The following NRXN3 variants were observed in gnomAD, a reference collection of about 807,000 sequenced individuals.
The protein encoded by NRXN3 is neurexin 3.
NRXN3 carries 32 observed loss-of-function variants against 137.6 expected under a neutral mutation model. The observed-to-expected ratio is 0.23, with a 90% CI of 0.18 to 0.31. The LOEUF (loss-of-function observed/expected upper bound fraction) is 0.31, where lower values mean the gene tolerates loss of function less well. Among genes scored for constraint, NRXN3 ranks in the 10% least tolerant of loss-of-function variants. NRXN3 has a pLI of 1.00. For synonymous variants in NRXN3, 798 were observed against 784.5 expected (o/e 1.02, Z -0.29); for missense variants, 1,574 against 2,062.5 (o/e 0.76, Z 4.59).
intron 15 of NRXN3, among the ~76,000 whole-genome samples, chr14:79,360,394 T>G (rs1161484850): frequency 6.6e-6 from 1 of 152,232 alleles, no homozygotes; most frequent in East Asian, 1.9e-4. Flanking sequence ...CGTGAGCCAC[T>G]GTGCCCAGCC....
intron 16 of NRXN3, among the ~76,000 whole-genome samples, chr14:79,639,462 C>T (rs1383269412): frequency 6.6e-6 from 1 of 151,834 alleles, no homozygotes; most frequent in Non-Finnish European, 1.5e-5. Context: ...TAGTTGAGTA[C>T]TAATGTGGCT....
chr14:79,855,531 G>A (rs574674505), intron 20 of NRXN3, among the ~76,000 whole-genome samples: 190 of 151,988 alleles, frequency 1.3e-3, no homozygotes, highest in Non-Finnish European at 2.1e-3. Context: ...TTCTTTCTAT[G>A]AAAAAGATAT....
In NRXN3 at chr14:79,453,362, AG is replaced by A. The variant is rs140604393; in HGVS notation, c.3263-13857del. 0.015 allele frequency among the ~76,000 whole-genome samples: 2,329 copies of A among 152,312 alleles called. 101 individuals carry two copies. The East Asian group carries it at 0.17, about 11-fold the overall frequency. On this transcript the variant is annotated intron_variant, in intron 15 of 20. Coordinates refer to ENST00000335750, the MANE Select transcript of NRXN3 (RefSeq NM_001330195.2). The stretch of plus-strand genomic sequence containing the variant: ...AATGTCATGTATATAATATAGAGAG[AG>A]GTTCAAATACGCTAAGAGAAAAAGA...
intron 10 of NRXN3, among the ~76,000 whole-genome samples, chr14:78,851,033 C>T (rs2099041094): frequency 6.6e-6 from 1 of 152,102 alleles, no homozygotes; most frequent in Non-Finnish European, 1.5e-5. Flanking sequence ...CAGGACTAAA[C>T]AGATATCTTT....
chr14:78,595,373 A>G (rs1360819004), intron 4 of NRXN3, among the ~76,000 whole-genome samples: 1 of 152,190 alleles, frequency 6.6e-6, no homozygotes, highest in Non-Finnish European at 1.5e-5. Context: ...AGAGCTTGTC[A>G]TTGAGCTAGT....
chr14:78,919,780 TTAAAAA>T, intron 10 of NRXN3, among the ~76,000 whole-genome samples: 1 of 151,328 alleles, frequency 6.6e-6, no homozygotes, highest in East Asian at 1.9e-4. Context: ...TAGAATATCT[TTAAAAA>T]TATAATTTTT....
intron 15 of NRXN3, among the ~76,000 whole-genome samples, chr14:79,032,066 TCTCTC>T (rs2152495084): frequency 6.6e-6 from 1 of 152,298 alleles, no homozygotes; most frequent in East Asian, 1.9e-4. Context: ...ATGTTTCTCT[TCTCTC>T]TAGTGCAGGA....
At chr14:79,080,848 G>A (rs903905947) in intron 15 of NRXN3, among the ~76,000 whole-genome samples, 6 of 152,102 alleles carry the variant, frequency 3.9e-5, no homozygotes, top group Admixed American at 2.0e-4. Flanking sequence ...AACTATAACT[G>A]GAATTTCCTG....
intron 15 of NRXN3, among the ~76,000 whole-genome samples, chr14:79,391,160 G>T (rs1054055525): frequency 1.3e-5 from 2 of 151,708 alleles, no homozygotes; most frequent in Non-Finnish European, 2.9e-5. Flanking sequence ...GACAAGAATG[G>T]CCTACATTAA....
intron 15 of NRXN3, among the ~76,000 whole-genome samples, chr14:79,147,323 C>A (rs1373166645): frequency 6.6e-6 from 1 of 152,100 alleles, no homozygotes; most frequent in Non-Finnish European, 1.5e-5. Flanking sequence ...CTCAGAGTAG[C>A]AATTTAGCAG....
At chr14:79,070,832 G>A (rs993215020) in intron 15 of NRXN3, among the ~76,000 whole-genome samples, 3 of 152,052 alleles carry the variant, frequency 2.0e-5, no homozygotes, top group Non-Finnish European at 2.9e-5. Context: ...AAAAAAATAC[G>A]TCCAGATTAT....
At chr14:78,224,750 C>T (rs1404882929) in intron 1 of NRXN3, among the ~76,000 whole-genome samples, 126 of 64,778 alleles carry the variant, frequency 1.9e-3, no homozygotes, top group South Asian at 3.3e-3. Context: ...GTGCATGTGT[C>T]TTTTTTTTTT....
intron 15 of NRXN3, among the ~76,000 whole-genome samples, chr14:79,126,117 T>G (rs2056381024): frequency 1.3e-5 from 2 of 152,172 alleles, no homozygotes; most frequent in South Asian, 4.1e-4. Flanking sequence ...TAAGTCAGTC[T>G]AATTTTAATT....
chr14:78,377,143 A>T (rs564697207), intron 4 of NRXN3, among the ~76,000 whole-genome samples: 2 of 152,350 alleles, frequency 1.3e-5, no homozygotes, highest in East Asian at 3.9e-4. Context: ...GATTAAAAAC[A>T]TGACCCAACT....
chr14:79,532,270 A>C (rs1478815330), intron 16 of NRXN3, among the ~76,000 whole-genome samples: 1 of 152,204 alleles, frequency 6.6e-6, no homozygotes, highest in East Asian at 1.9e-4. Flanking sequence ...TATCCTGACT[A>C]TTGCAACATG....
rs201010514 is a variant in NRXN3, at chr14:78,948,628, CTTTTTTT to C, written c.2276-8596_2276-8590del. ...TTTCATTTACAATATACACATTTAA[CTTTTTTT>C]TTTTTTTTTTTTTTTTTGCTTTATT... On this transcript the variant is annotated intron_variant, in intron 10 of 20. Coordinates refer to ENST00000335750, the MANE Select transcript of NRXN3 (RefSeq NM_001330195.2). Among the ~76,000 whole-genome samples, 486 of 108,644 alleles carry C rather than the reference CTTTTTTT, an allele frequency of 4.5e-3. 1 individual carries two copies. Among genetic ancestry groups the C allele is most frequent in the Middle Eastern group, 0.012 (2 of 168 alleles). 71.3% of individuals were successfully genotyped at this position (108,644 alleles called of 152,430 possible).
chr14:79,037,400 T>TG (rs2099617905), intron 15 of NRXN3, among the ~76,000 whole-genome samples: 1 of 152,136 alleles, frequency 6.6e-6, no homozygotes, highest in Admixed American at 6.5e-5. Flanking sequence ...TCATGGTGTA[T>TG]GACAGCCACA....
At chr14:79,819,017 C>A (rs145864415) in intron 20 of NRXN3, among the ~76,000 whole-genome samples, 22 of 152,294 alleles carry the variant, frequency 1.4e-4, no homozygotes, top group Admixed American at 5.9e-4. Flanking sequence ...TCCATCTTAG[C>A]TTTGAAGCAC....
rs1013552389 is a variant in NRXN3 at position 79,488,197 on chromosome 14, G to A, written c.3444+20795G>A. ...AATGGTCACCCATGGACATTGATTG[G>A]CAATTGGTTTGAATAGAGAAAGAGT... is the stretch of plus-strand genomic sequence containing the variant. On this transcript the variant is annotated intron_variant, in intron 16 of 20. Transcript: ENST00000335750. 3.3e-5 allele frequency among the ~76,000 whole-genome samples: 5 copies of A among 152,160 alleles called. No individual in the cohort carries two copies. The South Asian group carries it at 6.2e-4, about 19-fold the overall frequency.
Sources: gnomAD v4.1 joint callset for allele counts (sites outside exome capture counted in the v4.1 genomes callset) on GRCh38, gnomAD v4.1.1 for gene constraint, MANE v1.5 for transcripts, NCBI Gene and HGNC (gene_info 2026-07-23, HGNC 2026-07-21) for gene names.